The following NTM variants were observed in gnomAD, a reference collection of about 807,000 sequenced individuals.
NTM encodes IgLON family member 2.
In NTM, 13 loss-of-function variants were observed where a neutral mutation model predicts 42.1. The ratio of observed to expected loss-of-function variants is 0.31; its 90% confidence interval spans 0.20 to 0.49. The LOEUF (loss-of-function observed/expected upper bound fraction) is 0.49, where lower values mean the gene tolerates loss of function less well. Ranked by LOEUF, NTM falls within the 20% of genes least tolerant of loss-of-function variation. The pLI is 0.99. For missense variants in NTM, 373 were observed against 452.8 expected (o/e 0.82, Z 1.60); for synonymous variants, 187 against 179.2 (o/e 1.04, Z -0.35).
At chr11:132,263,291 G>A (rs570925185) in intron 4 of NTM, among the ~76,000 whole-genome samples, 2 of 152,332 alleles carry the variant, frequency 1.3e-5, no homozygotes, top group East Asian at 3.9e-4. Flanking sequence ...GGCTGCCCTG[G>A]TGATCTCTGA....
At chr11:131,576,750 A>C (rs1366610978) in intron 1 of NTM, among the ~76,000 whole-genome samples, 1 of 152,218 alleles carries the variant, frequency 6.6e-6, no homozygotes, top group African/African-American at 2.4e-5. Context: ...ATGATCCCTG[A>C]CGTAAATAAT....
intron 1 of NTM, among the ~76,000 whole-genome samples, chr11:131,517,099 C>A (rs1432699060): frequency 6.6e-6 from 1 of 152,176 alleles, no homozygotes; most frequent in Admixed American, 6.5e-5. Context: ...AGACTTGAAT[C>A]TTTTTGGTGT....
intron 2 of NTM, among the ~76,000 whole-genome samples, chr11:132,123,790 A>T (rs571139711): frequency 3.3e-5 from 5 of 152,142 alleles, no homozygotes; most frequent in Non-Finnish European, 5.9e-5. Flanking sequence ...AGAACCACGC[A>T]TGTGCCGGTT....
At chr11:131,789,933 G>C (rs1330520769) in intron 1 of NTM, among the ~76,000 whole-genome samples, 13 of 133,772 alleles carry the variant, frequency 9.7e-5, no homozygotes, top group Admixed American at 2.4e-4. Flanking sequence ...TCCAGCCTGG[G>C]CGACAGAGCG....
At chr11:132,126,535 A>G (rs567395562) in intron 2 of NTM, among the ~76,000 whole-genome samples, 3 of 152,250 alleles carry the variant, frequency 2.0e-5, no homozygotes, top group African/African-American at 7.2e-5. Flanking sequence ...GCCACCTCCC[A>G]TGGCGGGGGC....
chr11:131,760,648 T>G (rs1000258720), intron 1 of NTM, among the ~76,000 whole-genome samples: 24 of 152,244 alleles, frequency 1.6e-4, no homozygotes, highest in African/African-American at 4.8e-4. Context: ...ATAACCCTGC[T>G]GAGACAGTCA....
intron 4 of NTM, among the ~76,000 whole-genome samples, chr11:132,239,848 T>C (rs1234531503): frequency 6.6e-6 from 1 of 152,250 alleles, no homozygotes; most frequent in Non-Finnish European, 1.5e-5. Flanking sequence ...AGGACATCAC[T>C]AATTTATTTT....
intron 1 of NTM, among the ~76,000 whole-genome samples, chr11:131,629,688 A>G (rs1004230137): frequency 2.0e-5 from 3 of 152,186 alleles, no homozygotes; most frequent in African/African-American, 7.2e-5. Flanking sequence ...GAGAGTATTT[A>G]CATTCGGTTG....
intron 2 of NTM, among the ~76,000 whole-genome samples, chr11:132,004,605 T>TTCTCTCTCTCTCTC (rs71480226): frequency 9.7e-5 from 14 of 144,144 alleles, no homozygotes; most frequent in Non-Finnish European, 1.7e-4. Context: ...CTTTCTCTCT[T>TTCTCTCTCTCTCTC]TCTCTCTCTC....
intron 1 of NTM, among the ~76,000 whole-genome samples, chr11:131,465,128 C>T (rs958850550): frequency 3.3e-5 from 5 of 152,170 alleles, no homozygotes; most frequent in African/African-American, 1.2e-4. Flanking sequence ...GTATGTTAGG[C>T]AATTAATGCA....
intron 2 of NTM, among the ~76,000 whole-genome samples, chr11:132,048,364 C>T (rs1005191576): frequency 1.3e-5 from 2 of 152,174 alleles, no homozygotes; most frequent in African/African-American, 4.8e-5. Context: ...TCCACACGAT[C>T]AATACATTTC....
intron 6 of NTM, among the ~76,000 whole-genome samples, chr11:132,313,214 C>T (rs1189857446): frequency 1.3e-5 from 2 of 152,058 alleles, no homozygotes; most frequent in African/African-American, 4.8e-5. Flanking sequence ...TCATCTATGT[C>T]TAACTCCATA....
chr11:131,466,658 C>T (rs912276378), intron 1 of NTM, among the ~76,000 whole-genome samples: 1 of 152,200 alleles, frequency 6.6e-6, no homozygotes, highest in African/African-American at 2.4e-5. Context: ...ACTAGCCTCT[C>T]AGTAATTATC....
chr11:131,641,042 T>C (rs2065068185), intron 1 of NTM, among the ~76,000 whole-genome samples: 1 of 152,304 alleles, frequency 6.6e-6, no homozygotes, highest in Admixed American at 6.5e-5. Flanking sequence ...AGCAACCGCA[T>C]ATTCTTAGGA....
At chr11:131,716,512 C>T (rs904479097) in intron 1 of NTM, among the ~76,000 whole-genome samples, 15 of 152,092 alleles carry the variant, frequency 9.9e-5, no homozygotes, top group African/African-American at 2.2e-4. Context: ...TAATTTCTTC[C>T]GTATCATTTC....
At chr11:131,880,798 ACT>A (rs544666162) in intron 1 of NTM, among the ~76,000 whole-genome samples, 1 of 142,484 alleles carries the variant, frequency 7.0e-6, no homozygotes, top group Non-Finnish European at 1.5e-5. Flanking sequence ...TCCAAATCTC[ACT>A]CTTTTTTTTT....
At chr11:132,177,315 T>C (rs2076971108) in intron 3 of NTM, among the ~76,000 whole-genome samples, 1 of 152,212 alleles carries the variant, frequency 6.6e-6, no homozygotes, top group Admixed American at 6.5e-5. Flanking sequence ...GAAACTCTTT[T>C]TCATTCAGAT....
At chr11:131,929,798 A>G (rs111445796) in intron 2 of NTM, among the ~76,000 whole-genome samples, 2,183 of 152,274 alleles carry the variant, frequency 0.014, 51 homozygotes, top group African/African-American at 0.048. Flanking sequence ...GGGTGAATAA[A>G]CACCAGGCCG....
intron 1 of NTM, among the ~76,000 whole-genome samples, chr11:131,865,784 TAC>T (rs1201251174): frequency 6.2e-5 from 9 of 146,156 alleles, no homozygotes; most frequent in South Asian, 4.4e-4. Flanking sequence ...ACACACATGC[TAC>T]ACACACACCT....
Sources: gnomAD v4.1 joint callset for allele counts (sites outside exome capture counted in the v4.1 genomes callset) on GRCh38, gnomAD v4.1.1 for gene constraint, MANE v1.5 for transcripts, NCBI Gene and HGNC (gene_info 2026-07-23, HGNC 2026-07-21) for gene names.